Variants in HDAC9 observed in about 807,000 individuals in gnomAD.
HDAC9 encodes the protein MEF-2 interacting transcription repressor (MITR) protein.
Under a neutral mutation model 139.4 loss-of-function variants are expected in HDAC9, and 41 were observed. That is an observed-to-expected ratio of 0.29 (90% CI 0.23 to 0.38). The LOEUF (loss-of-function observed/expected upper bound fraction) is 0.38. Ranked by LOEUF, HDAC9 falls within the 10% of genes least tolerant of loss-of-function variation. HDAC9 has a pLI of 1.00. For synonymous variants in HDAC9, 517 were observed against 476.2 expected (o/e 1.09, Z -1.12); for missense variants, 1,147 against 1,297.0 (o/e 0.88, Z 1.78).
chr7:18,417,290 A>G (rs1452207610), intron 1 of HDAC9, among the ~76,000 whole-genome samples: 4 of 152,010 alleles, frequency 2.6e-5, no homozygotes, highest in Non-Finnish European at 4.4e-5. Flanking sequence ...TCTTTTTTAT[A>G]TCTTCTGTAT....
intron 22 of HDAC9, among the ~76,000 whole-genome samples, chr7:18,895,618 ATGAG>A (rs1296539831): frequency 1.7e-4 from 26 of 152,236 alleles, no homozygotes; most frequent in Admixed American, 1.5e-3. Flanking sequence ...TCCTTTGAAT[ATGAG>A]TGTTATCTTT....
intron 22 of HDAC9, among the ~76,000 whole-genome samples, chr7:18,889,438 A>G (rs1800475275): frequency 6.6e-6 from 1 of 150,656 alleles, no homozygotes; most frequent in Non-Finnish European, 1.5e-5. Context: ...GTATGGAGTG[A>G]TTTAAAAAAA....
At chr7:18,981,300 C>A (rs141774224) in intron 25 of HDAC9, among the ~76,000 whole-genome samples, 24 of 152,292 alleles carry the variant, frequency 1.6e-4, no homozygotes, top group African/African-American at 4.6e-4. Context: ...TTCACTCTTT[C>A]AACACTTTCT....
chr7:18,724,384 T>C (rs1353780857), intron 12 of HDAC9, among the ~76,000 whole-genome samples: 1 of 152,142 alleles, frequency 6.6e-6, no homozygotes, highest in African/African-American at 2.4e-5. Context: ...GTAGGCAATT[T>C]GTGTATATAA....
chr7:18,891,580 A>T lies in HDAC9; in HGVS notation c.2803+16984A>T, dbSNP rs1424875969. 2.6e-5 allele frequency among the ~76,000 whole-genome samples: 4 copies of T among 152,176 alleles called. 1 individual carries two copies. In the East Asian group the frequency reaches 7.7e-4, roughly 29 times the overall value. Reference sequence around the variant, plus strand: ...CTAGTAAGTACCAGGCCAAAGTAATAGCCTAAGGATGGTGGCAAGTCTGGC... The same window carrying T: ...CTAGTAAGTACCAGGCCAAAGTAATTGCCTAAGGATGGTGGCAAGTCTGGC... On this transcript the variant is annotated intron_variant, in intron 22 of 25. Transcript: ENST00000686413.
intron 1 of HDAC9, among the ~76,000 whole-genome samples, chr7:18,100,258 T>C (rs1302160440): frequency 2.0e-5 from 3 of 152,182 alleles, no homozygotes; most frequent in African/African-American, 7.2e-5. Flanking sequence ...TTGAACAATT[T>C]GATTTTAATG....
At chr7:18,366,050 G>A (rs964115320) in intron 1 of HDAC9, among the ~76,000 whole-genome samples, 1 of 151,258 alleles carries the variant, frequency 6.6e-6, no homozygotes, top group Non-Finnish European at 1.5e-5. Context: ...AAATCAAATG[G>A]CAGGCTATTT....
At chr7:18,749,264 C>A in intron 14 of HDAC9, 126 bp downstream of exon 14, 1 of 1,022,410 alleles carries the variant, frequency 9.8e-7, no homozygotes, top group Non-Finnish European at 1.4e-6. Context: ...GATGAACCAT[C>A]ATAGATTCAG....
Position 18,263,944 on chromosome 7 carries a change from C to T in HDAC9, c.25+101595C>T, listed in dbSNP as rs150546765. On this transcript the variant is annotated intron_variant, in intron 2 of 12. Transcript: ENST00000417496. Reference sequence around the variant, plus strand: ...GGCTGACACAATAGATTTTAAAGGACAATAATTTTACTACAGACAAAAAAG... The same window carrying T: ...GGCTGACACAATAGATTTTAAAGGATAATAATTTTACTACAGACAAAAAAG... Among the ~76,000 whole-genome samples, 6 of 152,036 alleles carry T rather than the reference C, an allele frequency of 3.9e-5. No individual in the cohort carries two copies. The East Asian group carries it at 1.2e-3, about 29-fold the overall frequency.
At chr7:18,664,552 C>T (rs1271125518) in intron 11 of HDAC9, among the ~76,000 whole-genome samples, 3 of 152,146 alleles carry the variant, frequency 2.0e-5, no homozygotes, top group Non-Finnish European at 4.4e-5. Context: ...GACTTAGATG[C>T]GCTGGTCTCC....
chr7:18,497,254 C>A (rs894064905), intron 2 of HDAC9, among the ~76,000 whole-genome samples: 2 of 152,114 alleles, frequency 1.3e-5, no homozygotes, highest in Non-Finnish European at 2.9e-5. Context: ...TCACTTAGAT[C>A]CCACTTCCCA....
Position 18,509,825 on chromosome 7 carries a change from C to A in HDAC9, c.22+13501C>A, listed in dbSNP as rs144216864. 1.0e-3 allele frequency among the ~76,000 whole-genome samples: 153 copies of A among 152,162 alleles called. 1 individual carries two copies. Among genetic ancestry groups the A allele is most frequent in the African/African-American group, 3.3e-3 (139 of 41,498 alleles). ...TCTTTAGAACATTTCCACTTTCTGTCTTACACTGTGACTGTGTATGTGTGT... is the reference window on the plus strand; with the variant it reads ...TCTTTAGAACATTTCCACTTTCTGTATTACACTGTGACTGTGTATGTGTGT... On this transcript the variant is annotated intron_variant, in intron 2 of 25. Transcript: ENST00000686413.
intron 1 of HDAC9, among the ~76,000 whole-genome samples, chr7:18,110,479 A>T (rs185548938): frequency 5.3e-5 from 8 of 152,336 alleles, no homozygotes; most frequent in African/African-American, 1.9e-4. Context: ...TAATGTGCAG[A>T]GGCCCAGAGA....
At chr7:18,406,865 C>T (rs990708598) in intron 1 of HDAC9, among the ~76,000 whole-genome samples, 2 of 151,886 alleles carry the variant, frequency 1.3e-5, no homozygotes, top group African/African-American at 4.8e-5. Flanking sequence ...TGATGAAGGA[C>T]TCTCTTTATA....
At position 18,542,051 on chromosome 7, in the gene HDAC9, C is replaced by T. The variant is rs528642989; in HGVS notation, c.23-43230C>T. The stretch of plus-strand genomic sequence containing the variant: ...TGTTTAGCAGCGTCTCTGGCCTCTA[C>T]GCCCTAGATGCCAGTAGCACAACAC... On this transcript the variant is annotated intron_variant, in intron 2 of 25. Coordinates refer to ENST00000686413, the MANE Select transcript of HDAC9 (RefSeq NM_178425.4). Among the ~76,000 whole-genome samples, 201 of 152,224 alleles carry T rather than the reference C, an allele frequency of 1.3e-3. 1 individual carries two copies. Among genetic ancestry groups the T allele is most frequent in the African/African-American group, 4.4e-3 (183 of 41,534 alleles).
intron 17 of HDAC9, 108 bp from the exon 18 acceptor site, chr7:18,829,053 G>C: frequency 1.3e-6 from 1 of 799,758 alleles, no homozygotes; most frequent in South Asian, 1.4e-5. Flanking sequence ...TGAGACTTCA[G>C]TTTTGTGTGT....
chr7:18,432,029 A>T (rs893400150), intron 1 of HDAC9, among the ~76,000 whole-genome samples: 1 of 152,226 alleles, frequency 6.6e-6, no homozygotes, highest in Non-Finnish European at 1.5e-5. Flanking sequence ...TGTCCTGAAT[A>T]AAACAGGTAT....
intron 22 of HDAC9, among the ~76,000 whole-genome samples, chr7:18,908,466 G>A (rs565518899): frequency 2.6e-5 from 4 of 152,048 alleles, no homozygotes; most frequent in Admixed American, 1.3e-4. Context: ...ACTCTACAGT[G>A]TTGTAAAACG....
At chr7:18,190,857 G>T (rs1177565151) in intron 2 of HDAC9, among the ~76,000 whole-genome samples, 1 of 151,912 alleles carries the variant, frequency 6.6e-6, no homozygotes, top group Non-Finnish European at 1.5e-5. Context: ...TAAATATTAT[G>T]CATGTTTTAC....
Sources: allele counts gnomAD v4.1 joint callset (sites outside exome capture counted in the v4.1 genomes callset), GRCh38; gene constraint gnomAD v4.1.1; transcripts MANE v1.5; gene names NCBI Gene and HGNC (gene_info 2026-07-23, HGNC 2026-07-21).